Variants in LIG1 observed in about 807,000 individuals in gnomAD.
LIG1 encodes DNA ligase 1.
In LIG1, 70 loss-of-function variants were observed where a neutral mutation model predicts 115.7. The observed-to-expected ratio is 0.60, with a 90% CI of 0.50 to 0.74. LIG1 has a LOEUF of 0.74. LIG1 is among the 30% of genes least tolerant of loss of function. The probability of loss-of-function intolerance (pLI) is 0.00; values close to 1 mark genes in which losing one functional copy is unlikely to be tolerated. For synonymous variants in LIG1, 487 were observed against 495.3 expected (o/e 0.98, Z 0.22); for missense variants, 1,115 against 1,225.6 (o/e 0.91, Z 1.35).
At position 48,170,294 on chromosome 19, in the gene LIG1, C is replaced by A. The variant is rs1228071351; in HGVS notation, c.-111G>T. ...GGGCAACACACTCAGATCCGCCAGG[C>A]GCGCCTCTGCAGTCCCAAGTTCGCG... On this transcript the variant is annotated 5_prime_UTR_variant, in exon 1 of 28. Transcript: ENST00000263274. The A allele has an allele frequency of 2.2e-6, 1 of 453,866 alleles. No homozygotes were observed. Among genetic ancestry groups the A allele is most frequent in the African/African-American group, 2.0e-5 (1 of 49,772 alleles). The allele number at this position is 453,866 out of a possible 1,614,324, so 28.1% of individuals were successfully genotyped here.
Position 48,151,349 on chromosome 19 carries a change from G to A in LIG1, c.467-10C>T, listed in dbSNP as rs370388106. On this transcript the variant is annotated splice_polypyrimidine_tract_variant and intron_variant, in intron 6 of 27. Transcript: ENST00000263274. ...TTCGGGGTCTCCTCTTCTGACGATA[G>A]ACAGAACGGTCAGATGGCAAAAAAA... 16 of 1,567,264 alleles carry A rather than the reference G, an allele frequency of 1.0e-5. No individual in the cohort carries two copies. Among genetic ancestry groups the A allele is most frequent in the Non-Finnish European group, 1.3e-5 (15 of 1,137,382 alleles).
At chr19:48,132,634 A>G (rs1021588466) in intron 18 of LIG1, among the ~76,000 whole-genome samples, 2 of 151,802 alleles carry the variant, frequency 1.3e-5, no homozygotes, top group Non-Finnish European at 2.9e-5. Context: ...TACTAAAAAT[A>G]CAAAAAATTA....
intron 6 of LIG1, among the ~76,000 whole-genome samples, chr19:48,153,041 A>T (rs2122883432): frequency 6.6e-6 from 1 of 152,158 alleles, no homozygotes; most frequent in East Asian, 1.9e-4. Context: ...TACTAAAAAT[A>T]CAAAAATTAG....
In LIG1 at chr19:48,115,951, C is replaced by A; in HGVS notation, c.2598G>T (p.Lys866Asn). The A allele has an allele frequency of 1.9e-6, 3 of 1,613,690 alleles. No individual in the cohort carries two copies. Among genetic ancestry groups the A allele is most frequent in the Non-Finnish European group, 2.5e-6 (3 of 1,179,900 alleles). ...ACCGAGGGAAGCGAAGGGAGATGCC[C>A]TTGTCACTATCCACCTGCGGAAGCG... ...PAARGLVDSD[K>N]GISLRFPRFI... The change falls in exon 27 of 28, where the codon AAG becomes AAT. Residue 866 changes from lysine (K) to asparagine (N), a missense_variant. By Grantham distance (94) the Lys-to-Asn change is moderately conservative. Transcript: ENST00000263274.
At chr19:48,125,759 G>A (rs2033622721) in intron 21 of LIG1, among the ~76,000 whole-genome samples, 1 of 151,922 alleles carries the variant, frequency 6.6e-6, no homozygotes, top group Admixed American at 6.6e-5. Flanking sequence ...GGAGGCTGAG[G>A]TGGGCAGATC....
At chr19:48,123,565 C>T (rs187905940) in intron 21 of LIG1, 11 of 565,568 alleles carry the variant, frequency 1.9e-5, no homozygotes, top group Admixed American at 6.1e-5. Context: ...CGGGGGGCTG[C>T]GGCCTTGCTG....
rs1324711144 is a variant in LIG1, at chr19:48,122,498, G to C, written c.2232+436C>G. 2 of 312,766 alleles carry C rather than the reference G, an allele frequency of 6.4e-6. No individual in the cohort carries two copies. Among genetic ancestry groups the C allele is most frequent in the Admixed American group, 8.5e-5 (2 of 23,592 alleles). 19.4% of individuals were successfully genotyped at this position (312,766 alleles called of 1,614,324 possible). On this transcript the variant is annotated intron_variant, in intron 23 of 27. Coordinates refer to ENST00000263274, the MANE Select transcript of LIG1 (RefSeq NM_000234.3). This position sits in a 1 kb window ranked among gnomAD's most constrained non-coding sequence, Gnocchi z 4.3. ...CGGGGGTTTTCCTCCCTAGTGCTCT[G>C]TCCCTCACTTTGGGAAAGACTCTTC... is the stretch of plus-strand genomic sequence containing the variant.
In LIG1 at chr19:48,165,592, GTCCAGCACTTT is replaced by G; in HGVS notation, c.-37_-27del. On this transcript the variant is annotated 5_prime_UTR_variant, in exon 2 of 28. It removes the in-frame stop codon of an upstream open reading frame in the 5' UTR. Transcript: ENST00000263274. ...GTTGGCGTCAGAATTCTCCCTTCCTGTCCAGCACTTTTCTTCGTCTGTCAGCTGCTCCTGGA... is the reference window on the plus strand; with the variant it reads ...GTTGGCGTCAGAATTCTCCCTTCCTGTCTTCGTCTGTCAGCTGCTCCTGGA... 1 of 1,613,698 alleles carries G rather than the reference GTCCAGCACTTT, an allele frequency of 6.2e-7. No individual in the cohort carries two copies. The highest frequency in any genetic ancestry group is 1.1e-5 in the South Asian group (1 of 91,088).
chr19:48,133,656 C>T (rs542272579), intron 17 of LIG1, among the ~76,000 whole-genome samples: 3 of 152,248 alleles, frequency 2.0e-5, no homozygotes, highest in South Asian at 2.1e-4. Context: ...AGTGCAGTAG[C>T]GCGATGACGG....
chr19:48,143,219 G>A (rs942017194), intron 11 of LIG1, among the ~76,000 whole-genome samples: 9 of 152,190 alleles, frequency 5.9e-5, no homozygotes, highest in African/African-American at 1.7e-4. Flanking sequence ...CAAGACTGAA[G>A]TCACTTTTGA....
At chr19:48,157,177 GA>G in intron 4 of LIG1, 37 bp from the exon 5 acceptor site, 1 of 1,581,876 alleles carries the variant, frequency 6.3e-7, no homozygotes, top group Non-Finnish European at 8.6e-7. Context: ...GTGAGCGGGG[GA>G]AGGAGGGACT....
intron 1 of LIG1, 153 bp downstream of exon 1, chr19:48,170,088 C>T (rs1165497349): frequency 7.3e-6 from 3 of 408,436 alleles, no homozygotes; most frequent in African/African-American, 2.1e-5. Flanking sequence ...GCCCGCAGCC[C>T]GCGCTCTTCC....
At chr19:48,157,205 G>A (rs2035907237) in intron 4 of LIG1, 65 bp from the exon 5 acceptor site, 2 of 1,527,814 alleles carry the variant, frequency 1.3e-6, no homozygotes. Context: ...TCCAAAAGTT[G>A]AGAGTAGAGG....
chr19:48,136,412 AG>A (rs2034393054), intron 14 of LIG1, among the ~76,000 whole-genome samples: 1 of 152,160 alleles, frequency 6.6e-6, no homozygotes, highest in African/African-American at 2.4e-5. Context: ...GCGAGGCTTG[AG>A]GAGGATGAGT....
intron 4 of LIG1, among the ~76,000 whole-genome samples, chr19:48,159,076 G>C (rs2036019155): frequency 7.3e-6 from 1 of 137,128 alleles, no homozygotes; most frequent in Non-Finnish European, 1.6e-5. Context: ...ACAGGTCTCA[G>C]ATAATTTTTT....
intron 18 of LIG1, among the ~76,000 whole-genome samples, chr19:48,131,704 G>A (rs989540082): frequency 6.6e-6 from 1 of 152,124 alleles, no homozygotes; most frequent in Non-Finnish European, 1.5e-5. Flanking sequence ...CTCCCAAAGT[G>A]CTGGGATTAC....
chr19:48,134,261 T>C (rs2034235306), intron 16 of LIG1, among the ~76,000 whole-genome samples, 195 bp from the exon 17 acceptor site: 2 of 152,178 alleles, frequency 1.3e-5, no homozygotes, highest in South Asian at 4.1e-4. Context: ...TTGTCTCCCT[T>C]AGTCTGGCCT....
chr19:48,164,095 T>C (rs1599885668), intron 2 of LIG1, among the ~76,000 whole-genome samples: 1 of 152,080 alleles, frequency 6.6e-6, no homozygotes, highest in Non-Finnish European at 1.5e-5. Context: ...ATGTATGATA[T>C]TGACAATGGA....
chr19:48,143,500 A>G, intron 11 of LIG1, 43 bp downstream of exon 11: 1 of 735,258 alleles, frequency 1.4e-6, no homozygotes, highest in Non-Finnish European at 2.4e-6. Flanking sequence ...GGACAGACCC[A>G]GAAGCGACCC....
Sources: gnomAD v4.1 joint callset for allele counts (sites outside exome capture counted in the v4.1 genomes callset) on GRCh38, gnomAD v4.1.1 for gene constraint, Gnocchi (gnomAD v3.1) non-coding constraint, MANE v1.5 for transcripts, NCBI Gene and HGNC (gene_info 2026-07-23, HGNC 2026-07-21) for gene names.